The following IL1RAPL1 variants were observed in gnomAD, a reference collection of about 807,000 sequenced individuals.
IL1RAPL1 encodes the protein interleukin 1 receptor accessory protein like 1.
Under a neutral mutation model 48.4 loss-of-function variants are expected in IL1RAPL1, and 3 were observed. That is an observed-to-expected ratio of 0.06 (90% CI 0.03 to 0.16). IL1RAPL1 has a LOEUF of 0.16. Ranked by LOEUF, IL1RAPL1 falls within the 10% of genes least tolerant of loss-of-function variation. The pLI is 1.00. For missense variants in IL1RAPL1, 349 were observed against 530.6 expected (o/e 0.66, Z 3.36); for synonymous variants, 185 against 187.7 (o/e 0.99, Z 0.12).
chrX:29,562,058 ATCT>A (rs1922224722), intron 5 of IL1RAPL1, among the ~76,000 whole-genome samples: 15 of 104,523 alleles, frequency 1.4e-4, no homozygotes, highest in African/African-American at 5.2e-4. Flanking sequence ...CTATCTATCT[ATCT>A]ATCTATCTAT....
chrX:28,790,492 T>G (rs1233120165), intron 2 of IL1RAPL1, among the ~76,000 whole-genome samples: 3 of 112,763 alleles, frequency 2.7e-5, no homozygotes, highest in African/African-American at 9.7e-5. Flanking sequence ...CGTGAGCCCC[T>G]CCTGGGGATA....
chrX:28,998,560 G>A (rs944550876), intron 2 of IL1RAPL1, among the ~76,000 whole-genome samples: 3 of 111,993 alleles, frequency 2.7e-5, no homozygotes, highest in Non-Finnish European at 3.8e-5. Context: ...TGCTTTTGCC[G>A]TTAAAATGTT....
At position 28,669,990 on chromosome X, in the gene IL1RAPL1, A is replaced by G. The variant is rs146738131; in HGVS notation, c.-25+81943A>G. ...TGCTTTGTTTCCACTGACTTTAAGT[A>G]TATCACCATGATAAACACTTTGGTG... On this transcript the variant is annotated intron_variant, in intron 1 of 10. Transcript: ENST00000378993. 1.5e-3 allele frequency among the ~76,000 whole-genome samples: 166 copies of G among 110,137 alleles called. 2 individuals are homozygous for G. In the East Asian group the frequency reaches 0.016, roughly 10 times the overall value.
At chrX:29,321,002 C>G (rs1186785349) in intron 3 of IL1RAPL1, among the ~76,000 whole-genome samples, 1 of 110,888 alleles carries the variant, frequency 9.0e-6, no homozygotes, top group Non-Finnish European at 1.9e-5. Flanking sequence ...TATGCCTAAA[C>G]TACATAACGT....
At chrX:29,045,140 C>T (rs1257186421) in intron 2 of IL1RAPL1, among the ~76,000 whole-genome samples, 1 of 111,426 alleles carries the variant, frequency 9.0e-6, no homozygotes, top group Non-Finnish European at 1.9e-5. Context: ...ACTGCTGTCA[C>T]GGTGGATCAT....
chrX:29,935,590 T>A (rs1933019534), intron 8 of IL1RAPL1, among the ~76,000 whole-genome samples: 1 of 111,887 alleles, frequency 8.9e-6, no homozygotes, highest in East Asian at 2.8e-4. Context: ...CTTAACACCC[T>A]TCTTGCCTAG....
chrX:29,495,659 C>G (rs1235109613), intron 5 of IL1RAPL1, among the ~76,000 whole-genome samples: 1 of 111,498 alleles, frequency 9.0e-6, no homozygotes, highest in Non-Finnish European at 1.9e-5. Flanking sequence ...ACAGTTGTGC[C>G]CTGTTTACAC....
At chrX:29,431,066 A>G (rs1212769596) in intron 5 of IL1RAPL1, among the ~76,000 whole-genome samples, 3 of 111,785 alleles carry the variant, frequency 2.7e-5, no homozygotes, top group Non-Finnish European at 5.6e-5. Flanking sequence ...GTAGCACTCA[A>G]TTATGATGCG....
intron 5 of IL1RAPL1, among the ~76,000 whole-genome samples, chrX:29,526,939 A>G (rs990668431): frequency 2.7e-5 from 3 of 111,923 alleles, no homozygotes; most frequent in South Asian, 3.7e-4. Flanking sequence ...AAAATAATGA[A>G]CAAAAATATC....
intron 5 of IL1RAPL1, among the ~76,000 whole-genome samples, chrX:29,439,770 G>C (rs1191488269): frequency 9.2e-6 from 1 of 108,169 alleles, no homozygotes; most frequent in African/African-American, 3.4e-5. Context: ...GTAAATTAAT[G>C]AGAAAATGCT....
chrX:29,403,710 A>G lies in IL1RAPL1; in HGVS notation c.703+4402A>G, dbSNP rs183367905. ...GTTTCCAACTCTAATTTATTACCAT[A>G]TGGATCATTTTAGCCTCTTCCCCTA... On this transcript the variant is annotated intron_variant, in intron 5 of 10. Coordinates refer to ENST00000378993, the MANE Select transcript of IL1RAPL1 (RefSeq NM_014271.4). Among the ~76,000 whole-genome samples the G allele has an allele frequency of 4.5e-5, 5 of 111,851 alleles. No individual in the cohort carries two copies. The East Asian group carries it at 1.4e-3, about 31-fold the overall frequency.
intron 1 of IL1RAPL1, among the ~76,000 whole-genome samples, chrX:28,680,840 T>A (rs2146919670): frequency 8.9e-6 from 1 of 112,009 alleles, no homozygotes; most frequent in African/African-American, 3.2e-5. Context: ...TTTAATATGT[T>A]ATTAAATTTA....
chrX:29,320,180 G>T (rs1932794198), intron 3 of IL1RAPL1, among the ~76,000 whole-genome samples: 1 of 112,263 alleles, frequency 8.9e-6, no homozygotes. Context: ...AAGAACCACT[G>T]GAAATGTAGA....
At chrX:28,727,929 G>A (rs1213699996) in intron 1 of IL1RAPL1, among the ~76,000 whole-genome samples, 1 of 109,229 alleles carries the variant, frequency 9.2e-6, no homozygotes, top group Non-Finnish European at 1.9e-5. Context: ...GTGGGGTGGG[G>A]GAAGGGGGGA....
chrX:29,586,614 A>G (rs6628458), intron 5 of IL1RAPL1, among the ~76,000 whole-genome samples: 33,040 of 110,405 alleles, frequency 0.3, 3,598 homozygotes, highest in South Asian at 0.45. Flanking sequence ...CATTGAATCT[A>G]TAGATTGCTT....
chrX:29,179,245 A>G (rs368845404), intron 2 of IL1RAPL1, among the ~76,000 whole-genome samples: 6 of 111,288 alleles, frequency 5.4e-5, no homozygotes, highest in East Asian at 5.7e-4. Flanking sequence ...ATGTTCTTCC[A>G]TTTGTTTGTG....
intron 5 of IL1RAPL1, among the ~76,000 whole-genome samples, chrX:29,517,356 TG>T (rs1405328964): frequency 9.0e-6 from 1 of 110,551 alleles, no homozygotes; most frequent in African/African-American, 3.3e-5. Context: ...TATATATATA[TG>T]TAACAAAGTT....
intron 2 of IL1RAPL1, among the ~76,000 whole-genome samples, chrX:28,910,536 C>G (rs1244669710): frequency 1.9e-5 from 2 of 106,147 alleles, no homozygotes; most frequent in East Asian, 6.0e-4. Flanking sequence ...AGGTTCAGCA[C>G]TATGTTTTCA....
intron 1 of IL1RAPL1, among the ~76,000 whole-genome samples, chrX:28,690,797 T>A (rs1008568217): frequency 9.0e-6 from 1 of 110,826 alleles, no homozygotes; most frequent in African/African-American, 3.3e-5. Context: ...AACCATAATT[T>A]TAACCATAAT....
Sources: gnomAD v4.1 joint callset for allele counts (sites outside exome capture counted in the v4.1 genomes callset) on GRCh38, gnomAD v4.1.1 for gene constraint, MANE v1.5 for transcripts, NCBI Gene and HGNC (gene_info 2026-07-23, HGNC 2026-07-21) for gene names.